ERBB4: variants seen among roughly 807,000 people sequenced by gnomAD.
ERBB4 encodes receptor tyrosine-protein kinase erbB-4.
Under a neutral mutation model 158.0 loss-of-function variants are expected in ERBB4, and 42 were observed. The ratio of observed to expected loss-of-function variants is 0.27; its 90% CI spans 0.21 to 0.34. ERBB4 has a LOEUF of 0.34. Among genes scored for constraint, ERBB4 ranks in the 10% least tolerant of loss-of-function variants. The pLI is 1.00. For missense variants in ERBB4, 1,333 were observed against 1,624.1 expected (o/e 0.82, Z 3.08); for synonymous variants, 583 against 558.7 (o/e 1.04, Z -0.61).
At chr2:211,620,085 T>A (rs1018582436) in intron 18 of ERBB4, among the ~76,000 whole-genome samples, 1 of 152,090 alleles carries the variant, frequency 6.6e-6, no homozygotes, top group Non-Finnish European at 1.5e-5. Flanking sequence ...CTGGGTAAAG[T>A]GAATTATAGC....
intron 3 of ERBB4, among the ~76,000 whole-genome samples, chr2:211,824,934 T>G (rs933429118): frequency 1.3e-5 from 2 of 151,958 alleles, no homozygotes; most frequent in African/African-American, 4.8e-5. Flanking sequence ...TGTTAATATC[T>G]CTACATTCTA....
At chr2:212,191,178 A>G (rs1574396670) in intron 1 of ERBB4, among the ~76,000 whole-genome samples, 1 of 152,182 alleles carries the variant, frequency 6.6e-6, no homozygotes, top group South Asian at 2.1e-4. Context: ...AGAATCATGG[A>G]CAAGACTTAC....
At chr2:211,560,160 G>A (rs2067345653) in intron 20 of ERBB4, among the ~76,000 whole-genome samples, 1 of 147,682 alleles carries the variant, frequency 6.8e-6, no homozygotes, top group South Asian at 2.1e-4. Context: ...AGTGTACAAT[G>A]TCATATAAAT....
At chr2:211,566,566 A>T (rs2067554500) in intron 19 of ERBB4, among the ~76,000 whole-genome samples, 1 of 152,170 alleles carries the variant, frequency 6.6e-6, no homozygotes, top group African/African-American at 2.4e-5. Context: ...AGTTATAAAG[A>T]GAGTATAGAT....
chr2:212,422,019 T>C (rs887252100), intron 1 of ERBB4, among the ~76,000 whole-genome samples: 3 of 152,174 alleles, frequency 2.0e-5, no homozygotes, highest in Non-Finnish European at 2.9e-5. Context: ...TATGATGATG[T>C]GGTGTCATAA....
intron 20 of ERBB4, among the ~76,000 whole-genome samples, chr2:211,478,809 T>C (rs943483801): frequency 2.0e-5 from 3 of 152,114 alleles, no homozygotes; most frequent in African/African-American, 7.2e-5. Flanking sequence ...GTACTAATGG[T>C]AACATCCTTT....
At chr2:211,725,323 T>C (rs992967593) in intron 5 of ERBB4, 129 bp from the exon 6 acceptor site, 15 of 721,492 alleles carry the variant, frequency 2.1e-5, no homozygotes, top group Non-Finnish European at 3.5e-5. Flanking sequence ...GAATGAGGTT[T>C]ACAACTAGAT....
rs1559506249 is a variant in ERBB4 at position 211,773,629 on chromosome 2, T to TATATATATATATATATATA, written c.556+14377_556+14395dup. 1.4e-4 allele frequency among the ~76,000 whole-genome samples: 7 copies of TATATATATATATATATATA among 51,060 alleles called. 1 individual carries two copies. In the South Asian group the frequency reaches 1.5e-3, roughly 11 times the overall value. 33.5% of individuals were successfully genotyped at this position (51,060 alleles called of 152,430 possible). On this transcript the variant is annotated intron_variant, in intron 4 of 27. Coordinates refer to ENST00000342788, the MANE Select transcript of ERBB4 (RefSeq NM_005235.3). ...ATATATATATATATATATATATATA[T>TATATATATATATATATATA]ATATATATATATATATATAATATAT...
intron 2 of ERBB4, among the ~76,000 whole-genome samples, chr2:212,095,830 G>C (rs976176712): frequency 4.6e-5 from 7 of 151,536 alleles, no homozygotes; most frequent in African/African-American, 1.5e-4. Flanking sequence ...AGCTACTCGG[G>C]AGGCTGAGGC....
At chr2:212,007,999 G>T (rs1287997225) in intron 2 of ERBB4, among the ~76,000 whole-genome samples, 1 of 152,000 alleles carries the variant, frequency 6.6e-6, no homozygotes, top group African/African-American at 2.4e-5. Flanking sequence ...TTTGATGAAT[G>T]AATGAACAGA....
At chr2:211,921,648 C>T (rs546383744) in intron 3 of ERBB4, among the ~76,000 whole-genome samples, 1 of 152,104 alleles carries the variant, frequency 6.6e-6, no homozygotes, top group Admixed American at 6.6e-5. Context: ...GACAATTTTA[C>T]ATAGAGTGAC....
At chr2:212,446,637 A>ATATATC (rs1574935617) in intron 1 of ERBB4, among the ~76,000 whole-genome samples, 1 of 99,352 alleles carries the variant, frequency 1.0e-5, no homozygotes, top group Non-Finnish European at 2.1e-5. Context: ...ATATATATAT[A>ATATATC]TCCTATTAGT....
Position 212,284,086 on chromosome 2 carries a change from A to G in ERBB4, c.83-159183T>C, listed in dbSNP as rs574665136. ...GAAGAGAATGCTATTAAAGTCAATT[A>G]TTACAAAGAAGCACTTAGACACACA... On this transcript the variant is annotated intron_variant, in intron 1 of 27. Transcript: ENST00000342788. 2.6e-5 allele frequency among the ~76,000 whole-genome samples: 4 copies of G among 152,206 alleles called. 1 individual carries two copies. In the South Asian group the frequency reaches 8.3e-4, roughly 32 times the overall value.
intron 4 of ERBB4, among the ~76,000 whole-genome samples, chr2:211,759,862 A>G (rs1559493407): frequency 6.6e-6 from 1 of 151,500 alleles, no homozygotes; most frequent in Admixed American, 6.6e-5. Flanking sequence ...ACGATGTAAT[A>G]CTTTATACAG....
At chr2:211,849,030 C>G (rs2077656809) in intron 3 of ERBB4, among the ~76,000 whole-genome samples, 1 of 151,958 alleles carries the variant, frequency 6.6e-6, no homozygotes, top group East Asian at 1.9e-4. Flanking sequence ...TTTTCACATT[C>G]AACTATTTTT....
At chr2:211,899,590 T>C (rs1185201964) in intron 3 of ERBB4, among the ~76,000 whole-genome samples, 1 of 152,154 alleles carries the variant, frequency 6.6e-6, no homozygotes, top group East Asian at 1.9e-4. Context: ...TACTGTTTTA[T>C]AGTACTTACA....
intron 4 of ERBB4, among the ~76,000 whole-genome samples, chr2:211,775,972 G>A (rs949896752): frequency 1.3e-5 from 2 of 152,168 alleles, no homozygotes; most frequent in Non-Finnish European, 2.9e-5. Flanking sequence ...GAGTTGTATC[G>A]GGGTTTGTCT....
At chr2:212,338,435 C>T (rs2088549756) in intron 1 of ERBB4, among the ~76,000 whole-genome samples, 1 of 152,040 alleles carries the variant, frequency 6.6e-6, no homozygotes, top group East Asian at 1.9e-4. Flanking sequence ...TTTTAATTAT[C>T]CATATTTGAA....
chr2:211,432,427 A>G (rs538572231), intron 20 of ERBB4, among the ~76,000 whole-genome samples: 1 of 152,356 alleles, frequency 6.6e-6, no homozygotes, highest in South Asian at 2.1e-4. Flanking sequence ...TGGTCTAATC[A>G]GTCAACAGTT....
Sources: allele counts gnomAD v4.1 joint callset (sites outside exome capture counted in the v4.1 genomes callset), GRCh38; gene constraint gnomAD v4.1.1; transcripts MANE v1.5; gene names NCBI Gene and HGNC (gene_info 2026-07-23, HGNC 2026-07-21).